Variants in PPP1R21 observed in about 807,000 individuals in gnomAD.
The protein encoded by PPP1R21 is KLRAQ motif containing 1.
In PPP1R21, 85 loss-of-function variants were observed where a neutral mutation model predicts 112.8. That is an observed-to-expected ratio of 0.75 (90% CI 0.63 to 0.90). The LOEUF is 0.90. PPP1R21 is among the 40% of genes least tolerant of loss of function. The pLI is 0.00. For synonymous variants in PPP1R21, 381 were observed against 322.3 expected (o/e 1.18, Z -1.95); for missense variants, 1,199 against 901.5 (o/e 1.33, Z -4.23).
chr2:48,443,148 A>G (rs1667105105), intron 1 of PPP1R21, among the ~76,000 whole-genome samples: 1 of 152,178 alleles, frequency 6.6e-6, no homozygotes. Context: ...GCATGGCACT[A>G]ACCAAACATA....
At chr2:48,501,228 C>G (rs949392397) in intron 17 of PPP1R21, among the ~76,000 whole-genome samples, 2 of 152,224 alleles carry the variant, frequency 1.3e-5, no homozygotes, top group African/African-American at 4.8e-5. Flanking sequence ...CCCCCACTCC[C>G]TTGCCTTTAG....
rs762852670 is a variant in PPP1R21, at chr2:48,474,756, A to G, written c.1162A>G (p.Met388Val). 8 of 1,613,444 alleles carry G rather than the reference A, an allele frequency of 5.0e-6. No individual in the cohort carries two copies. Among genetic ancestry groups the G allele is most frequent in the South Asian group, 1.1e-5 (1 of 90,990 alleles). The change falls in exon 12 of 22, where the codon ATG (methionine) becomes GTG (valine). Residue 388 changes from methionine (M) to valine (V), a missense_variant. Coordinates refer to ENST00000294952, the MANE Select transcript of PPP1R21 (RefSeq NM_001135629.3). Reference sequence around the variant, plus strand: ...CAGGAATCTAGAGCTGTCCCAGGACATGAAAAAAATGACAGCTGTGTTTGA... The same window carrying G: ...CAGGAATCTAGAGCTGTCCCAGGACGTGAAAAAAATGACAGCTGTGTTTGA... ...RARNLELSQD[M>V]KKMTAVFEKL...
chr2:48,495,629 A>T (rs1333113717), intron 15 of PPP1R21, 50 bp from the exon 16 acceptor site: 2 of 951,508 alleles, frequency 2.1e-6, no homozygotes, highest in South Asian at 1.3e-5. Flanking sequence ...GATGCAGGGG[A>T]GGGGTGATAC....
intron 4 of PPP1R21, among the ~76,000 whole-genome samples, chr2:48,459,481 G>A (rs191602667): frequency 3.9e-5 from 6 of 152,262 alleles, no homozygotes; most frequent in African/African-American, 1.4e-4. Context: ...TAGGTTTCCT[G>A]TGTTCAAATC....
At chr2:48,442,255 A>C (rs141372600) in intron 1 of PPP1R21, among the ~76,000 whole-genome samples, 15 of 152,296 alleles carry the variant, frequency 9.8e-5, no homozygotes, top group African/African-American at 3.4e-4. Flanking sequence ...TGGCTCTACT[A>C]TTTTTGGTTG....
chr2:48,500,452 A>G (rs186165514), intron 17 of PPP1R21, among the ~76,000 whole-genome samples: 6 of 152,276 alleles, frequency 3.9e-5, no homozygotes, highest in African/African-American at 1.4e-4. Context: ...ATAGAAGAGA[A>G]AAAAGAATCA....
At chr2:48,441,138 C>T (rs776038062) in intron 1 of PPP1R21, 128 bp downstream of exon 1, 1 of 699,068 alleles carries the variant, frequency 1.4e-6, no homozygotes, top group South Asian at 1.6e-5. Context: ...TTCCCCTCAG[C>T]CGTCTCCGTC....
intron 12 of PPP1R21, among the ~76,000 whole-genome samples, chr2:48,478,968 A>G (rs1368195890): frequency 1.3e-5 from 2 of 152,180 alleles, no homozygotes; most frequent in Non-Finnish European, 2.9e-5. Flanking sequence ...CTTTTCTCTA[A>G]GTGACACCCC....
At chr2:48,455,550 C>T (rs1478817707) in intron 3 of PPP1R21, among the ~76,000 whole-genome samples, 1 of 152,042 alleles carries the variant, frequency 6.6e-6, no homozygotes, top group African/African-American at 2.4e-5. Flanking sequence ...ATATGATAGT[C>T]AATTTTAAAG....
intron 9 of PPP1R21, among the ~76,000 whole-genome samples, chr2:48,468,615 C>G (rs1046687112): frequency 6.6e-6 from 1 of 151,980 alleles, no homozygotes; most frequent in African/African-American, 2.4e-5. Context: ...GAGTTCAAGA[C>G]CAGCCTGGGC....
chr2:48,509,218 G>C (rs1277865315), intron 19 of PPP1R21, among the ~76,000 whole-genome samples: 1 of 152,072 alleles, frequency 6.6e-6, no homozygotes, highest in East Asian at 1.9e-4. Flanking sequence ...CTTGTAAGTA[G>C]CGCATAATCT....
chr2:48,489,236 T>C (rs1185831395), intron 14 of PPP1R21, among the ~76,000 whole-genome samples: 1 of 152,152 alleles, frequency 6.6e-6, no homozygotes, highest in Non-Finnish European at 1.5e-5. Flanking sequence ...TTTATTTATA[T>C]CAGCATTTCA....
Position 48,461,236 on chromosome 2 carries a change from G to A in PPP1R21, c.694+4G>A. The A allele has an allele frequency of 6.4e-7, 1 of 1,554,986 alleles. No homozygotes were observed. Among genetic ancestry groups the A allele is most frequent in the South Asian group, 1.3e-5 (1 of 79,906 alleles). On this transcript the variant is annotated splice_donor_region_variant and intron_variant, in intron 7 of 21. Transcript: ENST00000294952. The stretch of plus-strand genomic sequence containing the variant: ...AAAGTACCTTTTAATGATACAAGTA[G>A]GTATTATGTACAGTTTTCCATTATT...
chr2:48,485,544 C>G (rs1197369621), intron 13 of PPP1R21, among the ~76,000 whole-genome samples: 2 of 151,886 alleles, frequency 1.3e-5, no homozygotes, highest in African/African-American at 4.8e-5. Flanking sequence ...CTAAAACTAT[C>G]CTAAATCAAA....
chr2:48,459,491 C>T (rs1667883769), intron 4 of PPP1R21, among the ~76,000 whole-genome samples: 1 of 152,102 alleles, frequency 6.6e-6, no homozygotes, highest in African/African-American at 2.4e-5. Flanking sequence ...GTGTTCAAAT[C>T]TCAGTTCTAC....
intron 2 of PPP1R21, 136 bp from the exon 3 acceptor site, chr2:48,454,459 G>A (rs1326139394): frequency 2.0e-6 from 2 of 977,672 alleles, no homozygotes; most frequent in African/African-American, 3.4e-5. Flanking sequence ...AAGAACTGAA[G>A]TGATACACAT....
intron 2 of PPP1R21, among the ~76,000 whole-genome samples, chr2:48,451,750 C>T (rs1461309055): frequency 1.3e-5 from 2 of 152,184 alleles, no homozygotes; most frequent in Non-Finnish European, 2.9e-5. Context: ...TACTGTCTAG[C>T]TCACTCTTTT....
At chr2:48,500,290 C>G (rs1670049241) in intron 17 of PPP1R21, among the ~76,000 whole-genome samples, 1 of 152,010 alleles carries the variant, frequency 6.6e-6, no homozygotes, top group African/African-American at 2.4e-5. Flanking sequence ...GCAACTTACG[C>G]TCACATGTTT....
Position 48,511,535 on chromosome 2 carries a change from T to C in PPP1R21, c.2313+67T>C, listed in dbSNP as rs191407913. On this transcript the variant is annotated intron_variant, in intron 21 of 21. Coordinates refer to ENST00000294952, the MANE Select transcript of PPP1R21 (RefSeq NM_001135629.3). ...TTTAATGTGAGGTATTTTATTGTTA[T>C]GCATTTCAGGAGGAAGAGGACATAA... is the stretch of plus-strand genomic sequence containing the variant. The C allele has an allele frequency of 3.7e-4, 574 of 1,571,358 alleles. 2 individuals carry two copies. The African/African-American group carries it at 5.6e-3, about 15-fold the overall frequency.
Sources: gnomAD v4.1 joint callset for allele counts (sites outside exome capture counted in the v4.1 genomes callset) on GRCh38, gnomAD v4.1.1 for gene constraint, MANE v1.5 for transcripts, NCBI Gene and HGNC (gene_info 2026-07-23, HGNC 2026-07-21) for gene names.